Variants in SLC25A48 observed in about 807,000 individuals in gnomAD.
The protein encoded by SLC25A48 is CTC-321K16.1.
SLC25A48 carries 29 observed loss-of-function variants against 32.2 expected under a neutral mutation model. The ratio of observed to expected loss-of-function variants is 0.90; its 90% CI spans 0.67 to 1.23. The LOEUF is 1.23. SLC25A48 is among the 50% of genes most tolerant of loss of function. The probability of loss-of-function intolerance (pLI) is 0.00; values close to 1 mark genes in which losing one functional copy is unlikely to be tolerated. For synonymous variants in SLC25A48, 164 were observed against 172.3 expected (o/e 0.95, Z 0.38); for missense variants, 399 against 422.7 (o/e 0.94, Z 0.49).
chr5:135,886,660 G>T (rs1762738795), intron 7 of SLC25A48, among the ~76,000 whole-genome samples: 1 of 100,394 alleles, frequency 1.0e-5, no homozygotes, highest in South Asian at 2.9e-4. Flanking sequence ...GTGTGTGTGT[G>T]TGTGTGTGTG....
At chr5:135,752,888 A>T (rs949095682) in intron 3 of SLC25A48, among the ~76,000 whole-genome samples, 2 of 151,886 alleles carry the variant, frequency 1.3e-5, no homozygotes, top group African/African-American at 4.8e-5. Context: ...GTAATCTTCT[A>T]TGATATGGAT....
intron 3 of SLC25A48, among the ~76,000 whole-genome samples, chr5:135,688,627 A>G (rs1162944800): frequency 6.6e-6 from 1 of 152,238 alleles, no homozygotes; most frequent in Admixed American, 6.5e-5. Flanking sequence ...TGAAAAAACA[A>G]AGGCTAAAAC....
intron 3 of SLC25A48, among the ~76,000 whole-genome samples, chr5:135,708,252 G>T (rs1219286330): frequency 6.6e-6 from 1 of 152,178 alleles, no homozygotes; most frequent in African/African-American, 2.4e-5. Flanking sequence ...CTTCAACAAT[G>T]AGCAGCTCCT....
At chr5:135,681,018 T>G (rs927643645) in intron 3 of SLC25A48, among the ~76,000 whole-genome samples, 22 of 152,176 alleles carry the variant, frequency 1.4e-4, no homozygotes, top group African/African-American at 5.3e-4. Flanking sequence ...GGAGTTTCGC[T>G]CTAGTTGGCA....
intron 1 of SLC25A48, among the ~76,000 whole-genome samples, chr5:135,604,872 G>A (rs1005231281): frequency 1.3e-5 from 2 of 152,190 alleles, no homozygotes; most frequent in Admixed American, 6.5e-5. Flanking sequence ...TCTGCCACTT[G>A]CCTGCTCTGT....
chr5:135,835,585 A>G (rs149600533), intron 1 of SLC25A48, among the ~76,000 whole-genome samples: 1 of 141,330 alleles, frequency 7.1e-6, no homozygotes, highest in Admixed American at 7.8e-5. Context: ...AGTTGCATTC[A>G]TTTCCTTGCT....
chr5:135,593,164 C>T (rs1478097587), intron 1 of SLC25A48, among the ~76,000 whole-genome samples: 4 of 152,190 alleles, frequency 2.6e-5, no homozygotes, highest in Non-Finnish European at 5.9e-5. Context: ...CCCCACACCC[C>T]TCCTTTCTGA....
At chr5:135,723,698 A>AT in intron 3 of SLC25A48, among the ~76,000 whole-genome samples, 1 of 152,182 alleles carries the variant, frequency 6.6e-6, no homozygotes, top group East Asian at 1.9e-4. Flanking sequence ...AACTGTAATC[A>AT]TAACACAGTT....
chr5:135,629,123 T>G lies in SLC25A48; in HGVS notation c.-848-114T>G, dbSNP rs1752503352. 1 of 152,212 alleles carries G rather than the reference T, an allele frequency of 6.6e-6. No individual in the cohort carries two copies. Among genetic ancestry groups the G allele is most frequent in the African/African-American group, 2.4e-5 (1 of 41,458 alleles). 9.4% of individuals were successfully genotyped at this position (152,212 alleles called of 1,614,324 possible). On this transcript the variant is annotated intron_variant, in intron 1 of 10. Coordinates refer to the SLC25A48 transcript ENST00000646290. The surrounding 1 kb of genome is among the most constrained non-coding windows in gnomAD (Gnocchi z 4.8). ...TTTCATTATAGATCCAATTTTGCCTTGGGCTGCTGTGGATCATTTCACAGA... is the reference window on the plus strand; with the variant it reads ...TTTCATTATAGATCCAATTTTGCCTGGGGCTGCTGTGGATCATTTCACAGA...
chr5:135,779,020 C>T (rs1233498848), intron 3 of SLC25A48, among the ~76,000 whole-genome samples: 1 of 151,574 alleles, frequency 6.6e-6, no homozygotes, highest in Non-Finnish European at 1.5e-5. Context: ...TCTTAATATC[C>T]AGAGGGTCAA....
At chr5:135,886,648 ATG>A (rs70976584) in intron 7 of SLC25A48, among the ~76,000 whole-genome samples, 27,247 of 63,208 alleles carry the variant, frequency 0.43, 6,465 homozygotes, top group East Asian at 0.66. Context: ...AAATATATAT[ATG>A]TGTGTGTGTG....
chr5:135,865,418 A>T (rs866456012), intron 4 of SLC25A48, among the ~76,000 whole-genome samples: 2 of 152,270 alleles, frequency 1.3e-5, no homozygotes, highest in South Asian at 2.1e-4. Flanking sequence ...CTGCTGGAGG[A>T]TGTACAGCCA....
chr5:135,755,044 C>G (rs1755862995), intron 3 of SLC25A48, among the ~76,000 whole-genome samples: 1 of 152,044 alleles, frequency 6.6e-6, no homozygotes. Flanking sequence ...TGTTTACACA[C>G]TGTGATATTA....
intron 1 of SLC25A48, among the ~76,000 whole-genome samples, chr5:135,593,562 T>C (rs554795236): frequency 1.3e-5 from 2 of 152,330 alleles, no homozygotes; most frequent in East Asian, 1.9e-4. Context: ...TCCAGCACCA[T>C]AGACAAAGTT....
chr5:135,834,914 C>T, intron 1 of SLC25A48, 21 bp downstream of exon 1: 1 of 1,597,046 alleles, frequency 6.3e-7, no homozygotes, highest in Non-Finnish European at 8.5e-7. Context: ...TTACCGGGGA[C>T]CCCCGGTCAG....
chr5:135,712,527 C>T (rs1215088509), intron 3 of SLC25A48, among the ~76,000 whole-genome samples: 1 of 152,250 alleles, frequency 6.6e-6, no homozygotes, highest in African/African-American at 2.4e-5. Context: ...CAGTCTCCAG[C>T]AGGCTTCCCC....
intron 1 of SLC25A48, among the ~76,000 whole-genome samples, chr5:135,613,229 G>A (rs762413253): frequency 3.3e-5 from 5 of 151,966 alleles, no homozygotes; most frequent in South Asian, 2.1e-4. Flanking sequence ...TTTGAGAAAC[G>A]TCTATTTAAG....
Position 135,859,956 on chromosome 5 carries a change from A to G in SLC25A48, c.421+7135A>G, listed in dbSNP as rs184201672. 1.4e-3 allele frequency among the ~76,000 whole-genome samples: 215 copies of G among 152,236 alleles called. 5 individuals carry two copies. Among genetic ancestry groups the G allele is most frequent in the Non-Finnish European group, 1.8e-4 (12 of 68,024 alleles). On this transcript the variant is annotated intron_variant, in intron 4 of 7. Coordinates refer to ENST00000681962, the MANE Select transcript of SLC25A48 (RefSeq NM_001349336.2). ...TAATGGCTGGCAATCCTTTATGTCT[A>G]TACCTTAGCAGAATTCAGGCTCCTC...
rs245116 is a variant in SLC25A48 at position 135,584,416 on chromosome 5, G to A, written c.-849+4819G>A. Among the ~76,000 whole-genome samples the A allele has an allele frequency of 3.5e-3, 527 of 152,352 alleles. 5 individuals carry two copies. The highest frequency in any genetic ancestry group is 5.0e-3 in the Non-Finnish European group (340 of 68,034). On this transcript the variant is annotated intron_variant, in intron 1 of 10. Coordinates refer to the SLC25A48 transcript ENST00000646290. ...CATCCTCTTTGGCAATGAAGGAAAAGCACAGCAGTGCTGCAGGATCACGGC... is the reference window on the plus strand; with the variant it reads ...CATCCTCTTTGGCAATGAAGGAAAAACACAGCAGTGCTGCAGGATCACGGC...
Sources: gnomAD v4.1 joint callset for allele counts (sites outside exome capture counted in the v4.1 genomes callset) on GRCh38, gnomAD v4.1.1 for gene constraint, Gnocchi (gnomAD v3.1) non-coding constraint, MANE v1.5 for transcripts, NCBI Gene and HGNC (gene_info 2026-07-23, HGNC 2026-07-21) for gene names.